The following PLXDC1 variants were observed in gnomAD, a reference collection of about 807,000 sequenced individuals.
PLXDC1 encodes the protein plexin domain containing 1.
In PLXDC1, 39 loss-of-function variants were observed where a neutral mutation model predicts 61.3. That is an observed-to-expected ratio of 0.64 (90% CI 0.49 to 0.83). The LOEUF is 0.83. PLXDC1 is among the 40% of genes least tolerant of loss of function. The pLI is 0.00. For missense variants in PLXDC1, 596 were observed against 666.5 expected, an observed-to-expected ratio of 0.89 and a Z score of 1.17; for synonymous variants, 212 against 254.5, an observed-to-expected ratio of 0.83 and a Z score of 1.59.
chr17:39,068,436 G>C (rs1908981396), intron 13 of PLXDC1, among the ~76,000 whole-genome samples: 1 of 152,228 alleles, frequency 6.6e-6, no homozygotes, highest in Non-Finnish European at 1.5e-5. Flanking sequence ...CAGCACTTTG[G>C]GAGGCCAAGA....
rs1385025568 is a variant in PLXDC1, at chr17:39,108,428, T to G, written c.470-183A>C. 5 of 616,146 alleles carry G rather than the reference T, an allele frequency of 8.1e-6. No individual in the cohort carries two copies. In the East Asian group the frequency reaches 1.1e-4, roughly 14 times the overall value. 38.2% of individuals were successfully genotyped at this position (616,146 alleles called of 1,614,324 possible). A position where few individuals can be genotyped will look rare whatever the true frequency, so the allele number is the denominator to read the frequency against. The stretch of plus-strand genomic sequence containing the variant: ...GTGTATGGAGCCAAAGGACCCCAGA[T>G]AGGAGAAGGTCCTCCCTGTCCCTTC... On this transcript the variant is annotated intron_variant, in intron 4 of 13. Coordinates refer to ENST00000315392, the MANE Select transcript of PLXDC1 (RefSeq NM_020405.5).
intron 11 of PLXDC1, 49 bp downstream of exon 11, chr17:39,077,864 C>A: frequency 6.2e-7 from 1 of 1,606,276 alleles, no homozygotes; most frequent in Non-Finnish European, 8.5e-7. Context: ...GGGTGGGTAG[C>A]TCTCCTTCCT....
chr17:39,108,188 G>A lies in PLXDC1; in HGVS notation c.527C>T (p.Ala176Val), dbSNP rs748874905. The A allele has an allele frequency of 4.3e-6, 7 of 1,613,912 alleles. No homozygotes were observed. Among genetic ancestry groups the A allele is most frequent in the Admixed American group, 3.3e-5 (2 of 60,000 alleles). The change falls in exon 5 of 14, where the codon GCG (alanine) becomes GTG (valine). Residue 176 changes from alanine (A) to valine (V), a missense_variant. By Grantham distance (64) the Ala-to-Val change is moderately conservative. Coordinates refer to ENST00000315392, the MANE Select transcript of PLXDC1 (RefSeq NM_020405.5). Reference sequence around the variant, plus strand: ...AGGGTTGAAGTTGGCCATCAGGGGCGCCACATACTGAGTAGCTGTGAGCAT... The same window carrying A: ...AGGGTTGAAGTTGGCCATCAGGGGCACCACATACTGAGTAGCTGTGAGCAT... ...HRMLTATQYV[A>V]PLMANFNPGY...
intron 11 of PLXDC1, among the ~76,000 whole-genome samples, chr17:39,076,317 C>T (rs62076610): frequency 0.043 from 6,449 of 150,776 alleles, 141 homozygotes; most frequent in East Asian, 0.094. Flanking sequence ...GAGATCAGCC[C>T]GGGCAACATA....
intron 2 of PLXDC1, among the ~76,000 whole-genome samples, chr17:39,124,101 G>A (rs1414598912): frequency 6.6e-6 from 1 of 152,102 alleles, no homozygotes; most frequent in Non-Finnish European, 1.5e-5. Context: ...GCACCCCTGG[G>A]CCGCAACATC....
chr17:39,152,768 GT>G (rs2045382576), upstream of PLXDC1: 2 of 728,322 alleles, frequency 2.7e-6, no homozygotes, highest in Non-Finnish European at 3.7e-6. Flanking sequence ...TGGCACTGAG[GT>G]TAAAAAAAAA....
At chr17:39,069,772 G>A in intron 13 of PLXDC1, 84 bp downstream of exon 13, 2 of 1,036,984 alleles carry the variant, frequency 1.9e-6, no homozygotes, top group Non-Finnish European at 3.0e-6. Context: ...GGGAGAGGGA[G>A]AAGGGGAGAG....
chr17:39,136,192 A>G (rs1911747733), intron 2 of PLXDC1, among the ~76,000 whole-genome samples: 1 of 152,144 alleles, frequency 6.6e-6, no homozygotes. Context: ...CAGGATCAAG[A>G]AGACAGGGCA....
At chr17:39,121,747 C>T (rs1269083710) in intron 2 of PLXDC1, among the ~76,000 whole-genome samples, 1 of 152,132 alleles carries the variant, frequency 6.6e-6, no homozygotes, top group African/African-American at 2.4e-5. Flanking sequence ...TTTCCCAGCC[C>T]TCCTTATGGC....
At position 39,105,240 on chromosome 17, in the gene PLXDC1, G is replaced by A. The variant is rs57166150; in HGVS notation, c.811+614C>T. Among the ~76,000 whole-genome samples, 336 of 152,308 alleles carry A rather than the reference G, an allele frequency of 2.2e-3. 8 individuals carry two copies. The East Asian group carries it at 0.056, about 26-fold the overall frequency. On this transcript the variant is annotated intron_variant, in intron 7 of 13. Coordinates refer to ENST00000315392, the MANE Select transcript of PLXDC1 (RefSeq NM_020405.5). The stretch of plus-strand genomic sequence containing the variant: ...AGCGGCAGTGCATGGGATGCCTGCC[G>A]CGCTCCCCAGGAGTACAAATCCAAG...
At chr17:39,096,807 T>G in intron 7 of PLXDC1, 1 of 414,740 alleles carries the variant, frequency 2.4e-6, no homozygotes, top group Non-Finnish European at 5.1e-6. Flanking sequence ...AATAAAGAGT[T>G]TCTTAAGCAA....
intron 12 of PLXDC1, chr17:39,072,034 C>T (rs1269974569): frequency 5.2e-6 from 1 of 192,408 alleles, no homozygotes; most frequent in East Asian, 1.2e-4. Flanking sequence ...TTTATGTCCT[C>T]TGCCAGCCTG....
intron 2 of PLXDC1, among the ~76,000 whole-genome samples, chr17:39,112,700 G>C (rs781090209): frequency 3.3e-5 from 5 of 152,086 alleles, no homozygotes; most frequent in Non-Finnish European, 7.4e-5. Flanking sequence ...TCACCTCTGT[G>C]CCTATGGCTC....
chr17:39,115,072 A>G (rs969504035), intron 2 of PLXDC1, among the ~76,000 whole-genome samples: 1 of 152,242 alleles, frequency 6.6e-6, no homozygotes, highest in South Asian at 2.1e-4. Flanking sequence ...AAAGACAAGC[A>G]GTCTGATCCA....
At position 39,067,581 on chromosome 17, in the gene PLXDC1, GAC is replaced by G. The variant is rs1908942899; in HGVS notation, c.*257_*258del. ...TTCTTCTGCTGTTTCATGGTTACAA[GAC>G]ACAGAAGAGAACCCTTGCATCAAAA... On this transcript the variant is annotated 3_prime_UTR_variant, in exon 14 of 14. Coordinates refer to ENST00000315392, the MANE Select transcript of PLXDC1 (RefSeq NM_020405.5). 1 of 372,212 alleles carries G rather than the reference GAC, an allele frequency of 2.7e-6. No homozygotes were observed. The highest frequency in any genetic ancestry group is 4.9e-6 in the Non-Finnish European group (1 of 205,888). 23.1% of individuals were successfully genotyped at this position (372,212 alleles called of 1,614,324 possible).
chr17:39,109,070 A>G, intron 3 of PLXDC1, 97 bp from the exon 4 acceptor site: 2 of 1,242,420 alleles, frequency 1.6e-6, no homozygotes, highest in East Asian at 4.8e-5. Flanking sequence ...AGTGGGGAGC[A>G]GGCATGCCCA....
intron 1 of PLXDC1, among the ~76,000 whole-genome samples, chr17:39,150,752 G>A (rs2045367267): frequency 6.6e-6 from 1 of 152,158 alleles, no homozygotes; most frequent in African/African-American, 2.4e-5. Flanking sequence ...CAGGTGTGAG[G>A]AGGGGGACTC....
intron 2 of PLXDC1, 73 bp from the exon 3 acceptor site, chr17:39,109,464 C>A: frequency 6.6e-7 from 1 of 1,512,516 alleles, no homozygotes; most frequent in Non-Finnish European, 8.9e-7. Flanking sequence ...TCCGCCCTTC[C>A]CCACTCAGAT....
intron 2 of PLXDC1, among the ~76,000 whole-genome samples, chr17:39,118,084 CCCTT>C (rs56223337): frequency 1.1e-3 from 111 of 101,916 alleles, no homozygotes; most frequent in East Asian, 8.1e-3. Flanking sequence ...CTCCCTCCCT[CCCTT>C]CCTTCCTTCC....
Sources: allele counts gnomAD v4.1 joint callset (sites outside exome capture counted in the v4.1 genomes callset), GRCh38; gene constraint gnomAD v4.1.1; transcripts MANE v1.5; gene names NCBI Gene and HGNC (gene_info 2026-07-23, HGNC 2026-07-21).